SCAMP4: variants seen among roughly 807,000 people sequenced by gnomAD.
The protein encoded by SCAMP4 is secretory carrier-associated membrane protein 4.
In SCAMP4, 19 loss-of-function variants were observed where a neutral mutation model predicts 32.1. The observed-to-expected ratio is 0.59, with a 90% CI of 0.41 to 0.87. The LOEUF (loss-of-function observed/expected upper bound fraction) is 0.87, where lower values mean the gene tolerates loss of function less well. Ranked by LOEUF, SCAMP4 falls within the 40% of genes least tolerant of loss-of-function variation. The pLI is 0.00. For synonymous variants in SCAMP4, 152 were observed against 132.7 expected (o/e 1.15, Z -1.00); for missense variants, 302 against 309.0 (o/e 0.98, Z 0.17).
intron 1 of SCAMP4, chr19:1,911,848 G>GT (rs1228966975): frequency 6.0e-6 from 3 of 502,480 alleles, no homozygotes; most frequent in Non-Finnish European, 9.6e-6. Flanking sequence ...TTATATCTTC[G>GT]TTTTTAAAAA....
chr19:1,923,649 C>G (rs532161930), intron 6 of SCAMP4, among the ~76,000 whole-genome samples: 3 of 121,386 alleles, frequency 2.5e-5, no homozygotes, highest in Admixed American at 1.0e-4. Flanking sequence ...GACAGAGTCT[C>G]GCTCTGTCAC....
In SCAMP4 at chr19:1,912,795, C is replaced by T. The variant is rs1368212261; in HGVS notation, c.-41-2184C>T. 1 of 1,574,120 alleles carries T rather than the reference C, an allele frequency of 6.4e-7. No homozygotes were observed. The highest frequency in any genetic ancestry group is 1.1e-5 in the South Asian group (1 of 88,522). ...CATGGTGTGCGTGGACCTCGTGGCGCGCGGCCAGGGCCGCGGCACCTACGA... is the reference window on the plus strand; with the variant it reads ...CATGGTGTGCGTGGACCTCGTGGCGTGCGGCCAGGGCCGCGGCACCTACGA... On this transcript the variant is annotated intron_variant, in intron 1 of 6. Coordinates refer to ENST00000316097, the MANE Select transcript of SCAMP4 (RefSeq NM_079834.4).
Position 1,923,868 on chromosome 19 carries a change from T to G in SCAMP4, c.514-240T>G, listed in dbSNP as rs563835263. ...TCTCAATCTCCTGACCTCGTGATCC[T>G]CCCGCCTCGGCCTCCCGAAGTGCTG... On this transcript the variant is annotated intron_variant, in intron 6 of 6. Transcript: ENST00000316097. Among the ~76,000 whole-genome samples the G allele has an allele frequency of 8.5e-5, 10 of 117,118 alleles. 1 individual carries two copies. The highest frequency in any genetic ancestry group is 4.3e-4 in the East Asian group (2 of 4,616). 76.8% of individuals were successfully genotyped at this position (117,118 alleles called of 152,430 possible).
At chr19:1,910,949 C>T (rs2013411711) in intron 1 of SCAMP4, among the ~76,000 whole-genome samples, 1 of 151,890 alleles carries the variant, frequency 6.6e-6, no homozygotes, top group Non-Finnish European at 1.5e-5. Context: ...TCAATGTAAC[C>T]TGCGCCTCCC....
chr19:1,924,059 CGCCA>C lies in SCAMP4; in HGVS notation c.514-48_514-45del, dbSNP rs1568777630. ...ACAGGCGTGAGTCCCCGTGCCCGGC[CGCCA>C]TGCTCATTTTCTGTCTTCTGCCTCC... On this transcript the variant is annotated intron_variant, in intron 6 of 6. Coordinates refer to ENST00000316097, the MANE Select transcript of SCAMP4 (RefSeq NM_079834.4). 2.1e-4 allele frequency: 320 copies of C among 1,540,230 alleles called. No homozygotes were observed. The African/African-American group carries it at 3.5e-3, about 17-fold the overall frequency.
Position 1,924,760 on chromosome 19 carries a change from G to A in SCAMP4, c.*476G>A, listed in dbSNP as rs892633030. 1.1e-4 allele frequency: 22 copies of A among 195,090 alleles called. No homozygotes were observed. Among genetic ancestry groups the A allele is most frequent in the Non-Finnish European group, 2.0e-4 (18 of 91,656 alleles). 12.1% of individuals were successfully genotyped at this position (195,090 alleles called of 1,614,324 possible). The stretch of plus-strand genomic sequence containing the variant: ...CCCTTGGCCGGAACTAATAAGAGGC[G>A]TCGGGGCCAGCTTCCGGTCCCCTGC... On this transcript the variant is annotated 3_prime_UTR_variant, in exon 7 of 7. Transcript: ENST00000316097.
At chr19:1,915,457 G>C (rs1047954249) in intron 2 of SCAMP4, 5 of 231,358 alleles carry the variant, frequency 2.2e-5, no homozygotes, top group African/African-American at 1.1e-4. Context: ...TCCTCAGGCA[G>C]TGCTGGCTGA....
At chr19:1,913,260 A>G (rs1431518772) in intron 1 of SCAMP4, 1 of 1,410,996 alleles carries the variant, frequency 7.1e-7, no homozygotes, top group Non-Finnish European at 9.4e-7. Context: ...GATTTCAGGG[A>G]CACATACCGC....
Position 1,917,837 on chromosome 19 carries a change from GGGCAGGA to G in SCAMP4, c.136+19_136+25del. 6.2e-7 allele frequency: 1 copy of G among 1,613,490 alleles called. No individual in the cohort carries two copies. Among genetic ancestry groups the G allele is most frequent in the Non-Finnish European group, 8.5e-7 (1 of 1,179,692 alleles). On this transcript the variant is annotated intron_variant, in intron 3 of 6. Coordinates refer to ENST00000316097, the MANE Select transcript of SCAMP4 (RefSeq NM_079834.4). ...GCTGTGGATGTGTGAGTGCGCCTGG[GGGCAGGA>G]GGCGGGAAGCGGGAGGCAGGGCTCC...
chr19:1,912,728 C>T (rs2013539002), intron 1 of SCAMP4: 1 of 1,530,436 alleles, frequency 6.5e-7, no homozygotes, highest in African/African-American at 1.4e-5. Flanking sequence ...TGGCCACCGG[C>T]CACGACTGCA....
At position 1,924,400 on chromosome 19, in the gene SCAMP4, A is replaced by G. The variant is rs887485266; in HGVS notation, c.*116A>G. The G allele has an allele frequency of 8.6e-6, 8 of 928,772 alleles. No individual in the cohort carries two copies. The African/African-American group carries it at 1.2e-4, about 13-fold the overall frequency. 57.5% of individuals were successfully genotyped at this position (928,772 alleles called of 1,614,324 possible). On this transcript the variant is annotated 3_prime_UTR_variant, in exon 7 of 7. Transcript: ENST00000316097. ...CCCATCCCCCCAGCTGGGATGGTGG[A>G]AGCCGGTGGTGGCCACGGACCGCCC...
chr19:1,913,883 G>A (rs565683247), intron 1 of SCAMP4, among the ~76,000 whole-genome samples: 2 of 152,282 alleles, frequency 1.3e-5, no homozygotes, highest in African/African-American at 4.8e-5. Flanking sequence ...CTCCAGACAC[G>A]CCTGCTGTGA....
rs879197009 is a variant in SCAMP4 at position 1,925,706 on chromosome 19, C to T, written c.*1422C>T. ...AGCCCTCCCCAGGATGTGAGCCAGT[C>T]CCCTCGCTGGTACGGAATGCCGCTG... On this transcript the variant is annotated 3_prime_UTR_variant, in exon 7 of 7. Coordinates refer to ENST00000316097, the MANE Select transcript of SCAMP4 (RefSeq NM_079834.4). 2.6e-5 allele frequency: 4 copies of T among 152,684 alleles called. No homozygotes were observed. The South Asian group carries it at 6.2e-4, about 24-fold the overall frequency. 9.5% of individuals were successfully genotyped at this position (152,684 alleles called of 1,614,324 possible).
Position 1,917,820 on chromosome 19 carries a change from T to A in SCAMP4, c.134T>A (p.Met45Lys), listed in dbSNP as rs766351928. The change falls in exon 3 of 7, where the codon ATG becomes AAG. Residue 45 changes from methionine (M) to lysine (K), a missense_variant and splice_region_variant. By Grantham distance (95) the Met-to-Lys change is moderately conservative. Transcript: ENST00000316097. ...GTGAAGAGGATCTACCGGCTGTGGATGTGTGAGTGCGCCTGGGGGCAGGAG... is the reference window on the plus strand; with the variant it reads ...GTGAAGAGGATCTACCGGCTGTGGAAGTGTGAGTGCGCCTGGGGGCAGGAG... ...VLVKRIYRLW[M>K]FYCATLGVNL... 5.6e-6 allele frequency: 9 copies of A among 1,613,736 alleles called. 1 individual carries two copies. Among genetic ancestry groups the A allele is most frequent in the Admixed American group, 5.0e-5 (3 of 59,992 alleles).
chr19:1,910,967 A>G (rs2013412822), intron 1 of SCAMP4, among the ~76,000 whole-genome samples: 1 of 150,544 alleles, frequency 6.6e-6, no homozygotes, highest in African/African-American at 2.5e-5. Context: ...CCCAGGTTCA[A>G]CCTTCTGGGT....
chr19:1,912,521 C>T, intron 1 of SCAMP4: 2 of 1,497,084 alleles, frequency 1.3e-6, no homozygotes, highest in East Asian at 2.7e-5. Flanking sequence ...TCGAGGAGGC[C>T]CGGGCCCACT....
In SCAMP4 at chr19:1,923,054, C is replaced by G; in HGVS notation, c.396-16C>G. ...GCAGGTGTGCAGGCACCCACGCACTCTCTTGTCCCTTGCAGCGGCTGGCTG... is the reference window on the plus strand; with the variant it reads ...GCAGGTGTGCAGGCACCCACGCACTGTCTTGTCCCTTGCAGCGGCTGGCTG... On this transcript the variant is annotated splice_polypyrimidine_tract_variant and intron_variant, in intron 5 of 6. Coordinates refer to ENST00000316097, the MANE Select transcript of SCAMP4 (RefSeq NM_079834.4). The G allele has an allele frequency of 6.5e-7, 1 of 1,544,532 alleles. No homozygotes were observed. The highest frequency in any genetic ancestry group is 1.2e-5 in the South Asian group (1 of 82,950).
chr19:1,914,935 C>G (rs2013679305), intron 1 of SCAMP4, 44 bp from the exon 2 acceptor site: 1 of 1,545,320 alleles, frequency 6.5e-7, no homozygotes, highest in Non-Finnish European at 8.9e-7. Context: ...GCGCTCTGCC[C>G]AGGGCAGCTC....
chr19:1,912,793 C>G, intron 1 of SCAMP4: 7 of 1,572,136 alleles, frequency 4.5e-6, no homozygotes, highest in Non-Finnish European at 6.0e-6. Context: ...GACCTCGTGG[C>G]GCGCGGCCAG....
Sources: gnomAD v4.1 joint callset for allele counts (sites outside exome capture counted in the v4.1 genomes callset) on GRCh38, gnomAD v4.1.1 for gene constraint, MANE v1.5 for transcripts, NCBI Gene and HGNC (gene_info 2026-07-23, HGNC 2026-07-21) for gene names.